The following TMEM117 variants were observed in gnomAD, a reference collection of about 807,000 sequenced individuals.
The protein encoded by TMEM117 is transmembrane protein 117.
TMEM117 carries 27 observed loss-of-function variants against 52.4 expected under a neutral mutation model. The ratio of observed to expected loss-of-function variants is 0.51; its 90% confidence interval spans 0.38 to 0.71. The LOEUF (loss-of-function observed/expected upper bound fraction) is 0.71. Ranked by LOEUF, TMEM117 falls within the 30% of genes least tolerant of loss-of-function variation. TMEM117 has a pLI of 0.00. For synonymous variants in TMEM117, 215 were observed against 206.3 expected (o/e 1.04, Z -0.36); for missense variants, 556 against 630.5 (o/e 0.88, Z 1.26).
chr12:44,079,773 T>C (rs753638364), intron 3 of TMEM117, among the ~76,000 whole-genome samples: 3 of 151,972 alleles, frequency 2.0e-5, no homozygotes, highest in Admixed American at 6.6e-5. Flanking sequence ...TCCAGCACTT[T>C]GGGAGGCCAA....
intron 3 of TMEM117, among the ~76,000 whole-genome samples, chr12:43,985,748 A>G (rs1457557046): frequency 6.6e-6 from 1 of 152,226 alleles, no homozygotes; most frequent in East Asian, 1.9e-4. Context: ...GTAATTTCTG[A>G]AACAAGCTAG....
At chr12:44,248,145 T>A (rs17094344) in intron 5 of TMEM117, among the ~76,000 whole-genome samples, 4,608 of 152,202 alleles carry the variant, frequency 0.03, 135 homozygotes, top group East Asian at 0.092. Context: ...AATCGTGTGG[T>A]TCAGGGAACA....
chr12:44,025,017 T>C (rs1946511565), intron 3 of TMEM117, among the ~76,000 whole-genome samples: 1 of 152,142 alleles, frequency 6.6e-6, no homozygotes, highest in South Asian at 2.1e-4. Context: ...ACTAAGTTGC[T>C]CCACCACATA....
At chr12:44,144,543 G>A (rs1948615198) in intron 4 of TMEM117, among the ~76,000 whole-genome samples, 1 of 152,138 alleles carries the variant, frequency 6.6e-6, no homozygotes, top group African/African-American at 2.4e-5. Context: ...ATTGTAGGTA[G>A]GAACAAAAGA....
chr12:43,920,891 C>G (rs1435428982), intron 2 of TMEM117, among the ~76,000 whole-genome samples: 2 of 152,128 alleles, frequency 1.3e-5, no homozygotes, highest in South Asian at 2.1e-4. Flanking sequence ...TGAAGTCTGT[C>G]ACCCTCCTGT....
At chr12:44,002,962 A>G (rs1208209217) in intron 3 of TMEM117, among the ~76,000 whole-genome samples, 2 of 152,188 alleles carry the variant, frequency 1.3e-5, no homozygotes, top group African/African-American at 4.8e-5. Context: ...TTTTCAAGGA[A>G]TAAAGAGGAG....
At chr12:44,150,671 G>T (rs1948709348) in intron 4 of TMEM117, among the ~76,000 whole-genome samples, 1 of 152,112 alleles carries the variant, frequency 6.6e-6, no homozygotes, top group Admixed American at 6.6e-5. Flanking sequence ...ATATTTTAAT[G>T]TCTCTATAAA....
At chr12:44,392,287 G>T (rs1293857003), downstream of TMEM117, among the ~76,000 whole-genome samples, 3 of 152,134 alleles carry the variant, frequency 2.0e-5, no homozygotes, top group Non-Finnish European at 4.4e-5. Flanking sequence ...TGGAGAACAA[G>T]TGGAGGTTTC....
chr12:44,153,818 C>G (rs1948788778), intron 4 of TMEM117, among the ~76,000 whole-genome samples: 1 of 151,932 alleles, frequency 6.6e-6, no homozygotes, highest in Non-Finnish European at 1.5e-5. Flanking sequence ...AGTTAAACAT[C>G]AGAAAGAGAT....
chr12:43,917,145 C>T (rs868018400), intron 2 of TMEM117, among the ~76,000 whole-genome samples: 2 of 70,342 alleles, frequency 2.8e-5, no homozygotes, highest in African/African-American at 5.7e-5. Context: ...ATAATTCCAA[C>T]ACTTTTGGAG....
chr12:44,096,935 G>A (rs1159261983), intron 3 of TMEM117, among the ~76,000 whole-genome samples: 4 of 151,638 alleles, frequency 2.6e-5, no homozygotes, highest in South Asian at 2.1e-4. Flanking sequence ...GCAACCTACA[G>A]AATGGGAGAA....
At chr12:44,150,445 G>A (rs978821970) in intron 4 of TMEM117, among the ~76,000 whole-genome samples, 2 of 152,116 alleles carry the variant, frequency 1.3e-5, no homozygotes, top group African/African-American at 2.4e-5. Flanking sequence ...GAGGTTGCGA[G>A]TGGGACACCA....
At chr12:44,064,837 A>T (rs978027314) in intron 3 of TMEM117, among the ~76,000 whole-genome samples, 2 of 152,196 alleles carry the variant, frequency 1.3e-5, no homozygotes, top group Non-Finnish European at 2.9e-5. Context: ...ACAGCAGACT[A>T]TAATTAATAA....
rs112698717 is a variant in TMEM117, at chr12:44,238,182, C to T, written c.608+26795C>T. Among the ~76,000 whole-genome samples the T allele has an allele frequency of 7.1e-3, 1,075 of 152,132 alleles. 16 individuals are homozygous for T. The highest frequency in any genetic ancestry group is 0.025 in the African/African-American group (1,024 of 41,498). On this transcript the variant is annotated intron_variant, in intron 5 of 7. Coordinates refer to ENST00000266534, the MANE Select transcript of TMEM117 (RefSeq NM_032256.3). ...TGTGTTTTGCAACAAAACAACAAAACATTTATTAGAAAAGTTAAAAGAGTT... is the reference window on the plus strand; with the variant it reads ...TGTGTTTTGCAACAAAACAACAAAATATTTATTAGAAAAGTTAAAAGAGTT...
the TMEM117 span, among the ~76,000 whole-genome samples, chr12:43,828,795 C>T: frequency 6.6e-6 from 1 of 152,132 alleles, no homozygotes; most frequent in Admixed American, 6.6e-5. Context: ...AGTCCCTGCT[C>T]TTGTGAATGG....
chr12:44,033,261 A>G (rs1946660806), intron 3 of TMEM117, among the ~76,000 whole-genome samples: 2 of 152,224 alleles, frequency 1.3e-5, no homozygotes, highest in African/African-American at 4.8e-5. Context: ...CCCCTTGATT[A>G]GAATATCATC....
intron 3 of TMEM117, among the ~76,000 whole-genome samples, chr12:44,121,884 C>T (rs1249837331): frequency 6.6e-6 from 1 of 151,914 alleles, no homozygotes; most frequent in Non-Finnish European, 1.5e-5. Flanking sequence ...GCCCTGGTGC[C>T]TCTTGTTCTC....
At chr12:44,049,695 A>T (rs1480190250) in intron 3 of TMEM117, among the ~76,000 whole-genome samples, 1 of 152,202 alleles carries the variant, frequency 6.6e-6, no homozygotes, top group African/African-American at 2.4e-5. Context: ...TTAATTACAA[A>T]ATCTTTTATC....
intron 3 of TMEM117, among the ~76,000 whole-genome samples, chr12:44,123,169 C>CT (rs1948265264): frequency 6.6e-6 from 1 of 151,648 alleles, no homozygotes; most frequent in Admixed American, 6.6e-5. Context: ...CGTTGTTGAG[C>CT]TTTTTTTCAT....
Sources: gnomAD v4.1 joint callset for allele counts (sites outside exome capture counted in the v4.1 genomes callset) on GRCh38, gnomAD v4.1.1 for gene constraint, MANE v1.5 for transcripts, NCBI Gene and HGNC (gene_info 2026-07-23, HGNC 2026-07-21) for gene names.